CXADR: variants seen among roughly 807,000 people sequenced by gnomAD.
CXADR encodes CXADR cell adhesion molecule.
CXADR carries 20 observed loss-of-function variants against 40.3 expected under a neutral mutation model. The ratio of observed to expected loss-of-function variants is 0.50; its 90% CI spans 0.35 to 0.72. The LOEUF is 0.72. CXADR is among the 30% of genes least tolerant of loss of function. The pLI, the probability that CXADR is intolerant of heterozygous loss-of-function variation, is 0.01. For synonymous variants in CXADR, 150 were observed against 161.3 expected, an observed-to-expected ratio of 0.93 and a Z score of 0.53; for missense variants, 332 against 449.1, an observed-to-expected ratio of 0.74 and a Z score of 2.36.
At position 17,577,462 on chromosome 21, in the gene CXADR, T is replaced by C. The variant is rs536364187; in HGVS notation, c.1017+11851T>C. ...TTTTGGACCTAGAGATTGTTTTTAA[T>C]TTTATGTCATATGTAATGTTGCATT... is the stretch of plus-strand genomic sequence containing the variant. On this transcript the variant is annotated intron_variant, in intron 7 of 7. Transcript: ENST00000400169. Among the ~76,000 whole-genome samples the C allele has an allele frequency of 1.3e-4, 20 of 152,178 alleles. No homozygotes were observed. The South Asian group carries it at 2.5e-3, about 19-fold the overall frequency.
chr21:17,618,259 T>C, the CXADR span, among the ~76,000 whole-genome samples: 1 of 152,192 alleles, frequency 6.6e-6, no homozygotes, highest in Non-Finnish European at 1.5e-5. Context: ...CAGGGTCCAC[T>C]TCTAATTCTA....
chr21:17,529,757 G>T (rs1374264054), intron 1 of CXADR, among the ~76,000 whole-genome samples: 1 of 152,104 alleles, frequency 6.6e-6, no homozygotes, highest in Admixed American at 6.6e-5. Context: ...TTTAATTGAA[G>T]TTATGACATG....
At chr21:17,629,540 G>A in the CXADR span, among the ~76,000 whole-genome samples, 4 of 152,238 alleles carry the variant, frequency 2.6e-5, no homozygotes, top group African/African-American at 9.6e-5. Flanking sequence ...ACTCCAGCCT[G>A]GGAACAGAGT....
chr21:17,623,254 C>T, the CXADR span, among the ~76,000 whole-genome samples: 1 of 151,990 alleles, frequency 6.6e-6, no homozygotes, highest in Non-Finnish European at 1.5e-5. Flanking sequence ...AGTGATGACT[C>T]TTTATTTTGG....
chr21:17,518,874 A>G, intron 1 of CXADR: 1 of 1,563,734 alleles, frequency 6.4e-7, no homozygotes, highest in Non-Finnish European at 8.8e-7. Flanking sequence ...TTTTTAGAGA[A>G]CTCTGAAGCT....
chr21:17,580,877 A>G (rs2123379758), intron 7 of CXADR, among the ~76,000 whole-genome samples: 1 of 152,088 alleles, frequency 6.6e-6, no homozygotes, highest in South Asian at 2.1e-4. Flanking sequence ...CATCCTCCCA[A>G]GTGACTGTAA....
intron 3 of CXADR, among the ~76,000 whole-genome samples, chr21:17,558,369 A>G (rs1193923661): frequency 6.6e-6 from 1 of 152,044 alleles, no homozygotes; most frequent in Non-Finnish European, 1.5e-5. Context: ...ACCTCAAGTG[A>G]TCCCCCCACT....
At chr21:17,623,865 T>C in the CXADR span, among the ~76,000 whole-genome samples, 1 of 152,224 alleles carries the variant, frequency 6.6e-6, no homozygotes, top group African/African-American at 2.4e-5. Context: ...TTTCAATTCT[T>C]TTTGAGACAC....
rs1743786929 is a variant in CXADR at position 17,576,920 on chromosome 21, A to G, written c.1017+11309A>G. ...GACTGGTCTTTATTTTAAAACAAAAAACAAAAAAGCACTATATTTATAGTT... is the reference window on the plus strand; with the variant it reads ...GACTGGTCTTTATTTTAAAACAAAAGACAAAAAAGCACTATATTTATAGTT... On this transcript the variant is annotated intron_variant, in intron 7 of 7. Coordinates refer to the CXADR transcript ENST00000400169. The G allele has an allele frequency of 3.3e-5, 5 of 152,276 alleles. No individual in the cohort carries two copies. The South Asian group carries it at 1.0e-3, about 32-fold the overall frequency. The allele number at this position is 152,276 out of a possible 1,614,324, so 9.4% of individuals were successfully genotyped here. A position where few individuals can be genotyped will look rare whatever the true frequency, so the allele number is the denominator to read the frequency against.
At chr21:17,589,646 C>T (rs2061421127) in intron 7 of CXADR, among the ~76,000 whole-genome samples, 1 of 151,910 alleles carries the variant, frequency 6.6e-6, no homozygotes, top group Non-Finnish European at 1.5e-5. Flanking sequence ...TTTCCTTGAA[C>T]AGATGTTCAA....
intron 7 of CXADR, among the ~76,000 whole-genome samples, chr21:17,579,467 G>A (rs1345699862): frequency 1.3e-5 from 2 of 152,028 alleles, no homozygotes; most frequent in Non-Finnish European, 2.9e-5. Flanking sequence ...TGTATTTTTA[G>A]TAGAGACGGG....
the CXADR span, chr21:17,604,038 A>G: frequency 1.1e-6 from 1 of 950,206 alleles, no homozygotes; most frequent in Non-Finnish European, 1.3e-6. Flanking sequence ...GGAGTTCAAA[A>G]AGATTTCATA....
At chr21:17,565,319 A>T in intron 6 of CXADR, 109 bp from the exon 7 acceptor site, 1 of 1,161,980 alleles carries the variant, frequency 8.6e-7, no homozygotes, top group Non-Finnish European at 1.2e-6. Context: ...ACACACTTTT[A>T]TATGTTTAGT....
Position 17,513,238 on chromosome 21 carries a change from C to T in CXADR, c.43+66C>T. ...GGGGGCGCTCGCTGCCCGCGGCCAC[C>T]CAGGAACAATGGGGCGTGGGGGAGG... is the stretch of plus-strand genomic sequence containing the variant. On this transcript the variant is annotated intron_variant, in intron 1 of 6. Transcript: ENST00000284878. 4 of 1,324,944 alleles carry T rather than the reference C, an allele frequency of 3.0e-6. No homozygotes were observed. The South Asian group carries it at 8.9e-5, about 29-fold the overall frequency. 82.1% of individuals were successfully genotyped at this position (1,324,944 alleles called of 1,614,324 possible). A position where few individuals can be genotyped will look rare whatever the true frequency, so the allele number is the denominator to read the frequency against.
the CXADR span, chr21:17,605,135 A>G: frequency 1.0e-6 from 1 of 955,966 alleles, no homozygotes; most frequent in South Asian, 1.9e-5. Flanking sequence ...GAGCATATCT[A>G]TCCTAAACAG....
At chr21:17,604,195 C>T in the CXADR span, 20 of 1,187,384 alleles carry the variant, frequency 1.7e-5, no homozygotes, top group Non-Finnish European at 2.2e-5. Context: ...TGTAATCCAG[C>T]GCTTTGGGAG....
At chr21:17,552,874 G>A (rs1207092500) in intron 3 of CXADR, among the ~76,000 whole-genome samples, 1 of 152,060 alleles carries the variant, frequency 6.6e-6, no homozygotes, top group Non-Finnish European at 1.5e-5. Flanking sequence ...CTGATTAGGG[G>A]TGGGGTAGAA....
intron 7 of CXADR, among the ~76,000 whole-genome samples, chr21:17,578,699 C>A (rs2061338702): frequency 6.6e-6 from 1 of 152,154 alleles, no homozygotes; most frequent in Non-Finnish European, 1.5e-5. Context: ...CATGGTGGCA[C>A]GTGCCTGTTG....
intron 7 of CXADR, among the ~76,000 whole-genome samples, chr21:17,589,618 A>C (rs1366243341): frequency 6.6e-6 from 1 of 151,726 alleles, no homozygotes; most frequent in Non-Finnish European, 1.5e-5. Context: ...TAATGGCTAC[A>C]TGGTATTTTC....
Sources: allele counts gnomAD v4.1 joint callset (sites outside exome capture counted in the v4.1 genomes callset), GRCh38; gene constraint gnomAD v4.1.1; transcripts MANE v1.5; gene names NCBI Gene and HGNC (gene_info 2026-07-23, HGNC 2026-07-21).